FRMPD4: variants seen among roughly 807,000 people sequenced by gnomAD.
FRMPD4 encodes FERM and PDZ domain-containing protein 4.
In FRMPD4, 22 loss-of-function variants were observed where a neutral mutation model predicts 94.1. The observed-to-expected ratio is 0.23, with a 90% CI of 0.17 to 0.33. FRMPD4 has a LOEUF of 0.33. FRMPD4 is among the 10% of genes least tolerant of loss of function. FRMPD4 has a pLI of 1.00. For synonymous variants in FRMPD4, 631 were observed against 548.6 expected, an observed-to-expected ratio of 1.15 and a Z score of -2.10; for missense variants, 1,111 against 1,339.9, an observed-to-expected ratio of 0.83 and a Z score of 2.67.
intron 3 of FRMPD4, among the ~76,000 whole-genome samples, chrX:11,883,178 C>T (rs932781936): frequency 8.9e-6 from 1 of 111,940 alleles, no homozygotes; most frequent in Non-Finnish European, 1.9e-5. Context: ...CTGAGACATC[C>T]AGGTTGGCAA....
At chrX:12,712,708 G>A (rs1030861106) in intron 14 of FRMPD4, among the ~76,000 whole-genome samples, 1 of 111,824 alleles carries the variant, frequency 8.9e-6, no homozygotes, top group Non-Finnish European at 1.9e-5. Flanking sequence ...CACTGGGTTT[G>A]GCAGTAAACA....
chrX:11,851,797 C>A (rs1040683581), intron 1 of FRMPD4, among the ~76,000 whole-genome samples: 1 of 111,019 alleles, frequency 9.0e-6, no homozygotes, highest in African/African-American at 3.3e-5. Flanking sequence ...AATTTTTCAA[C>A]ACTTCTATTG....
intron 3 of FRMPD4, among the ~76,000 whole-genome samples, chrX:12,059,095 G>T (rs1601909589): frequency 9.0e-6 from 1 of 111,382 alleles, no homozygotes; most frequent in East Asian, 2.8e-4. Flanking sequence ...CATTTCACCT[G>T]ACTTAGTGTA....
chrX:12,567,198 G>A (rs1042220927), intron 2 of FRMPD4, among the ~76,000 whole-genome samples: 9 of 111,847 alleles, frequency 8.0e-5, no homozygotes, highest in African/African-American at 2.9e-4. Flanking sequence ...AATACCTGCT[G>A]TATTCCTACC....
At chrX:12,417,079 A>G (rs758097351) in intron 1 of FRMPD4, among the ~76,000 whole-genome samples, 1 of 111,220 alleles carries the variant, frequency 9.0e-6, no homozygotes, top group Non-Finnish European at 1.9e-5. Flanking sequence ...TATGTGTTCT[A>G]TAGCATGAGT....
intron 2 of FRMPD4, among the ~76,000 whole-genome samples, chrX:12,522,542 A>G (rs1343059258): frequency 9.2e-6 from 1 of 108,623 alleles, no homozygotes; most frequent in Non-Finnish European, 1.9e-5. Flanking sequence ...CAATTTATAA[A>G]CTCCAGAACT....
chrX:12,716,529 T>A lies in FRMPD4; in HGVS notation c.2070T>A (p.Ile690=). Residue 690 remains isoleucine, a synonymous_variant, in exon 15 of 17, where the codon ATT becomes ATA. Coordinates refer to ENST00000675598, the MANE Select transcript of FRMPD4 (RefSeq NM_001368397.1). ...TGGAGAAGCAGAGAAATCTCTACAT[T>A]GGCAGTGCCAATGACATGAAGGGCC... is the stretch of plus-strand genomic sequence containing the variant. ...EMLEKQRNLY[I]GSANDMKGLD... is the part of the protein sequence containing the mutation. 1 of 1,208,722 alleles carries A rather than the reference T, an allele frequency of 8.3e-7. No individual in the cohort carries two copies. The highest frequency in any genetic ancestry group is 3.0e-5 in the East Asian group (1 of 33,829).
intron 1 of FRMPD4, among the ~76,000 whole-genome samples, chrX:12,365,530 C>T (rs1601862358): frequency 8.9e-6 from 1 of 111,844 alleles, no homozygotes; most frequent in Non-Finnish European, 1.9e-5. Context: ...CTATTCCTAC[C>T]TCACACTGTT....
intron 1 of FRMPD4, among the ~76,000 whole-genome samples, chrX:12,302,247 A>T (rs2054872823): frequency 8.9e-6 from 1 of 111,967 alleles, no homozygotes; most frequent in African/African-American, 3.2e-5. Flanking sequence ...TTGCTCTGTC[A>T]TGATAGTTTA....
At chrX:11,859,043 A>G (rs961864892) in intron 1 of FRMPD4, among the ~76,000 whole-genome samples, 3 of 112,411 alleles carry the variant, frequency 2.7e-5, no homozygotes, top group African/African-American at 6.5e-5. Flanking sequence ...CCTTGGTTCT[A>G]ATAAACAGCT....
At chrX:12,461,005 C>A (rs2038754833) in intron 1 of FRMPD4, among the ~76,000 whole-genome samples, 1 of 110,137 alleles carries the variant, frequency 9.1e-6, no homozygotes, top group Non-Finnish European at 1.9e-5. Context: ...TGAAAATACT[C>A]TCTCTTATAC....
intron 4 of FRMPD4, among the ~76,000 whole-genome samples, chrX:12,671,817 A>G (rs1018414185): frequency 8.1e-5 from 9 of 111,381 alleles, no homozygotes; most frequent in African/African-American, 2.6e-4. Flanking sequence ...AGACAACTAT[A>G]TTCTTTCCCC....
intron 2 of FRMPD4, among the ~76,000 whole-genome samples, chrX:12,539,385 A>C (rs972500915): frequency 8.0e-5 from 9 of 112,026 alleles, no homozygotes; most frequent in African/African-American, 2.9e-4. Flanking sequence ...TCCAGGAGAA[A>C]TTCCCCAACC....
In FRMPD4 at chrX:12,701,932, T is replaced by C; in HGVS notation, c.992T>C (p.Leu331Pro). ...CCGGAGCTGAAATATGACATAGCCC[T>C]GCGGCTGGCCGCATTACAAATGTAC... ...FGPELKYDIALRLAALQMYIA... is the reference protein window; with the variant it reads ...FGPELKYDIAPRLAALQMYIA... Residue 331 changes from leucine (L) to proline (P), a missense_variant, in exon 10 of 17, where the codon CTG becomes CCG. Leu to Pro is a moderately conservative substitution (Grantham distance 98). This residue lies in a region of FRMPD4 where 111 missense variants were observed against 160.7 expected (regional missense o/e 0.69). Transcript: ENST00000675598. 8.3e-7 allele frequency: 1 copy of C among 1,210,346 alleles called. No individual in the cohort carries two copies. The highest frequency in any genetic ancestry group is 1.1e-6 in the Non-Finnish European group (1 of 893,475).
At chrX:12,269,471 A>C (rs2054322791) in intron 1 of FRMPD4, among the ~76,000 whole-genome samples, 1 of 112,314 alleles carries the variant, frequency 8.9e-6, no homozygotes, top group Non-Finnish European at 1.9e-5. Context: ...TTTTAAACTT[A>C]TGACACATTT....
intron 1 of FRMPD4, among the ~76,000 whole-genome samples, chrX:12,266,210 A>T (rs2054275521): frequency 9.2e-6 from 1 of 108,779 alleles, no homozygotes; most frequent in Non-Finnish European, 1.9e-5. Context: ...CATTATTATT[A>T]TAGATGGCAA....
At chrX:12,355,199 A>C (rs773038708) in intron 1 of FRMPD4, among the ~76,000 whole-genome samples, 128 of 108,341 alleles carry the variant, frequency 1.2e-3, no homozygotes, top group Non-Finnish European at 2.2e-3. Context: ...TTTTTTATAT[A>C]AGATCTTACT....
At chrX:12,459,073 G>A (rs1194533225) in intron 1 of FRMPD4, among the ~76,000 whole-genome samples, 1 of 111,414 alleles carries the variant, frequency 9.0e-6, no homozygotes, top group Non-Finnish European at 1.9e-5. Flanking sequence ...ACAGAGATAG[G>A]GTTTCCTTCA....
At chrX:12,490,265 G>C (rs1424237938) in intron 1 of FRMPD4, among the ~76,000 whole-genome samples, 1 of 110,342 alleles carries the variant, frequency 9.1e-6, no homozygotes, top group Non-Finnish European at 1.9e-5. Context: ...CATTCATGAG[G>C]GTGGAGCCCT....
Sources: gnomAD v4.1 joint callset for allele counts (sites outside exome capture counted in the v4.1 genomes callset) on GRCh38, gnomAD v4.1.1 for gene constraint, gnomAD v4.1.1 regional missense constraint, MANE v1.5 for transcripts, NCBI Gene and HGNC (gene_info 2026-07-23, HGNC 2026-07-21) for gene names.